PFKP: variants seen among roughly 807,000 people sequenced by gnomAD.
The protein encoded by PFKP is ATP-dependent 6-phosphofructokinase, platelet type.
A neutral mutation model predicts 94.3 loss-of-function variants in PFKP; 101 were observed. The ratio of observed to expected loss-of-function variants is 1.07; its 90% CI spans 0.91 to 1.26. The LOEUF (loss-of-function observed/expected upper bound fraction) is 1.26. PFKP is among the 50% of genes most tolerant of loss of function. The pLI, the probability that PFKP is intolerant of heterozygous loss-of-function variation, is 0.00. For missense variants in PFKP, 1,145 were observed against 1,103.3 expected, an observed-to-expected ratio of 1.04 and a Z score of -0.53; for synonymous variants, 573 against 432.6, an observed-to-expected ratio of 1.32 and a Z score of -4.03.
intron 2 of PFKP, among the ~76,000 whole-genome samples, chr10:3,097,803 G>C (rs1026964624): frequency 1.3e-5 from 2 of 152,160 alleles, no homozygotes; most frequent in African/African-American, 4.8e-5. Context: ...TCAAGAGTTG[G>C]AAACCAGCCT....
chr10:3,124,953 C>G, intron 16 of PFKP: 2 of 539,146 alleles, frequency 3.7e-6, no homozygotes, highest in Non-Finnish European at 5.0e-6. Flanking sequence ...CCTCCAGAGC[C>G]TCCCTCGGCC....
intron 7 of PFKP, among the ~76,000 whole-genome samples, chr10:3,105,705 T>C (rs1339240007): frequency 6.6e-6 from 1 of 152,216 alleles, no homozygotes; most frequent in African/African-American, 2.4e-5. Context: ...AGAGGTTTCA[T>C]TTAAGACCTG....
rs1307175776 is a variant in PFKP at position 3,129,813 on chromosome 10, G to A, written c.1684-6G>A. The A allele has an allele frequency of 5.0e-6, 8 of 1,613,230 alleles. No individual in the cohort carries two copies. Among genetic ancestry groups the A allele is most frequent in the Non-Finnish European group, 6.8e-6 (8 of 1,179,930 alleles). ...CTGGAGTGACTGATCGCTTCTCTGT[G>A]ACCAGACCTGCGACCGCATCAAGCA... On this transcript the variant is annotated splice_region_variant and splice_polypyrimidine_tract_variant and intron_variant, in intron 16 of 21. Transcript: ENST00000381125.
intron 16 of PFKP, among the ~76,000 whole-genome samples, chr10:3,125,620 C>T (rs1423330482): frequency 6.6e-6 from 1 of 152,196 alleles, no homozygotes; most frequent in African/African-American, 2.4e-5. Context: ...TAAGTACGAG[C>T]TCCAGGACAG....
chr10:3,121,726 A>C (rs865973978), intron 16 of PFKP, among the ~76,000 whole-genome samples: 16 of 140,458 alleles, frequency 1.1e-4, no homozygotes, highest in African/African-American at 4.3e-4. Context: ...TGTGTGATTT[A>C]TTATGCGATT....
At chr10:3,129,383 C>T (rs956811012) in intron 16 of PFKP, 4 of 160,022 alleles carry the variant, frequency 2.5e-5, no homozygotes, top group South Asian at 3.8e-4. Context: ...AATAGCACAG[C>T]GGTTCTCACG....
chr10:3,089,099 A>AT, intron 2 of PFKP, among the ~76,000 whole-genome samples: 1 of 151,836 alleles, frequency 6.6e-6, no homozygotes. Flanking sequence ...GCCTGGCTAA[A>AT]TTTTTTTATT....
chr10:3,136,622 T>A lies in PFKP; in HGVS notation c.*43T>A, dbSNP rs1052929. Reference sequence around the variant, plus strand: ...GTGCCTGCAGCCACCGTGGACTGTCTGTTTTTGTAACACTTAAGTTATTTT... The same window carrying A: ...GTGCCTGCAGCCACCGTGGACTGTCAGTTTTTGTAACACTTAAGTTATTTT... On this transcript the variant is annotated 3_prime_UTR_variant, in exon 22 of 22. Coordinates refer to ENST00000381125, the MANE Select transcript of PFKP (RefSeq NM_002627.5). 221,654 of 1,596,976 alleles carry A rather than the reference T, an allele frequency of 0.14. 15,928 individuals carry two copies. The highest frequency in any genetic ancestry group is 0.16 in the African/African-American group (11,955 of 73,694).
intron 10 of PFKP, among the ~76,000 whole-genome samples, chr10:3,111,308 A>C (rs1836211367): frequency 6.6e-6 from 1 of 151,706 alleles, no homozygotes; most frequent in Non-Finnish European, 1.5e-5. Context: ...AGGTATGCTT[A>C]TGTGCATATG....
intron 1 of PFKP, among the ~76,000 whole-genome samples, chr10:3,079,402 T>C (rs1354260307): frequency 6.6e-6 from 1 of 151,752 alleles, no homozygotes; most frequent in Non-Finnish European, 1.5e-5. Flanking sequence ...GCCTGGCTAA[T>C]TTTTTGTATT....
At chr10:3,097,463 A>G (rs192105398) in intron 2 of PFKP, among the ~76,000 whole-genome samples, 7 of 152,124 alleles carry the variant, frequency 4.6e-5, no homozygotes, top group Non-Finnish European at 1.5e-5. Context: ...CAATAATAAT[A>G]ATAATAATCC....
At chr10:3,069,931 G>C (rs1305264522) in intron 1 of PFKP, among the ~76,000 whole-genome samples, 1 of 152,210 alleles carries the variant, frequency 6.6e-6, no homozygotes, top group Non-Finnish European at 1.5e-5. Flanking sequence ...AGGTTAGTAA[G>C]TCCACGCCTC....
At chr10:3,069,054 G>T (rs1831971488) in intron 1 of PFKP, among the ~76,000 whole-genome samples, 1 of 151,456 alleles carries the variant, frequency 6.6e-6, no homozygotes, top group Non-Finnish European at 1.5e-5. Flanking sequence ...GCGCCTACGT[G>T]ATGCCCGGCC....
chr10:3,124,276 C>T (rs1434826075), intron 16 of PFKP, among the ~76,000 whole-genome samples: 7 of 152,238 alleles, frequency 4.6e-5, no homozygotes, highest in Non-Finnish European at 8.8e-5. Flanking sequence ...TTTGCCACCA[C>T]GTGGATGTCA....
chr10:3,116,352 C>A (rs542994600), intron 13 of PFKP, among the ~76,000 whole-genome samples: 1 of 152,218 alleles, frequency 6.6e-6, no homozygotes, highest in East Asian at 1.9e-4. Context: ...GCAGTGGCAT[C>A]CTCTTTCTGC....
chr10:3,108,828 C>A, intron 9 of PFKP, 35 bp downstream of exon 9: 2 of 1,447,094 alleles, frequency 1.4e-6, no homozygotes, highest in Non-Finnish European at 1.9e-6. Flanking sequence ...TTCACAAGGT[C>A]TCTAGGAGGA....
chr10:3,075,376 G>A (rs982396245), intron 1 of PFKP, among the ~76,000 whole-genome samples: 4 of 151,774 alleles, frequency 2.6e-5, no homozygotes, highest in South Asian at 2.1e-4. Context: ...TGTGCTGGTC[G>A]AAAGTCAAGA....
Position 3,129,920 on chromosome 10 carries a change from G to C in PFKP, c.1785G>C (p.Gly595=). 6.2e-7 allele frequency: 1 copy of C among 1,611,750 alleles called. No homozygotes were observed. Among genetic ancestry groups the C allele is most frequent in the Non-Finnish European group, 8.5e-7 (1 of 1,178,988 alleles). Residue 595 remains glycine (G), a synonymous_variant, in exon 17 of 22, where the codon GGG becomes GGC. Transcript: ENST00000381125. ...GYCGYLANMG[G]LAAGADAAYI... ...GTGGCTACCTGGCCAACATGGGGGG[G>C]CTCGCGGCCGGAGCTGATGCCGCAT...
intron 17 of PFKP, among the ~76,000 whole-genome samples, chr10:3,130,411 C>T (rs1739128250): frequency 6.6e-6 from 1 of 152,198 alleles, no homozygotes; most frequent in South Asian, 2.1e-4. Context: ...GGTTTCTCGG[C>T]ATCTGTGGCT....
Sources: gnomAD v4.1 joint callset for allele counts (sites outside exome capture counted in the v4.1 genomes callset) on GRCh38, gnomAD v4.1.1 for gene constraint, MANE v1.5 for transcripts, NCBI Gene and HGNC (gene_info 2026-07-23, HGNC 2026-07-21) for gene names.